The following EDIL3 variants were observed in gnomAD, a reference collection of about 807,000 sequenced individuals.
EDIL3 encodes EGF like and discoidin domains 3, also known as EGF-like repeat and discoidin I-like domain-containing protein 3.
In EDIL3, 37 loss-of-function variants were observed where a neutral mutation model predicts 67.4. That is an observed-to-expected ratio of 0.55 (90% CI 0.42 to 0.72). EDIL3 has a LOEUF of 0.72. Among genes scored for constraint, EDIL3 ranks in the 30% least tolerant of loss-of-function variants. The probability of loss-of-function intolerance (pLI) is 0.00; values close to 1 mark genes in which losing one functional copy is unlikely to be tolerated. For synonymous variants in EDIL3, 195 were observed against 196.3 expected (o/e 0.99, Z 0.05); for missense variants, 527 against 586.3 (o/e 0.90, Z 1.04).
In EDIL3 at chr5:84,213,681, T is replaced by A. The variant is rs187461914; in HGVS notation, c.226+16174A>T. On this transcript the variant is annotated intron_variant, in intron 3 of 10. Transcript: ENST00000296591. ...TGAGTAGATATGAAACATATCTAAA[T>A]CTTGTTGAATTCTAGCAGTTGAAGA... Among the ~76,000 whole-genome samples, 788 of 152,300 alleles carry A rather than the reference T, an allele frequency of 5.2e-3. 8 individuals carry two copies. The highest frequency in any genetic ancestry group is 0.018 in the African/African-American group (753 of 41,558).
At chr5:84,263,285 G>A (rs189151872) in intron 1 of EDIL3, among the ~76,000 whole-genome samples, 2 of 152,266 alleles carry the variant, frequency 1.3e-5, no homozygotes, top group Admixed American at 1.3e-4. Context: ...GTGTTGCACA[G>A]TTCTGAGGGC....
At chr5:84,190,763 T>C (rs1008842799) in intron 3 of EDIL3, among the ~76,000 whole-genome samples, 3 of 151,906 alleles carry the variant, frequency 2.0e-5, no homozygotes, top group African/African-American at 7.3e-5. Context: ...CCACCTATAC[T>C]GCATGATTAG....
At chr5:84,213,780 T>C (rs969351455) in intron 3 of EDIL3, among the ~76,000 whole-genome samples, 1 of 152,216 alleles carries the variant, frequency 6.6e-6, no homozygotes, top group Non-Finnish European at 1.5e-5. Context: ...TGTTTTATTT[T>C]ATTTTTAAGT....
chr5:84,372,253 G>C (rs976487878), intron 1 of EDIL3, among the ~76,000 whole-genome samples: 1 of 151,926 alleles, frequency 6.6e-6, no homozygotes, highest in African/African-American at 2.4e-5. Flanking sequence ...AAATATGTAC[G>C]ACTTCAGCAT....
chr5:84,128,187 C>A (rs1304604481), intron 5 of EDIL3, among the ~76,000 whole-genome samples: 25 of 152,068 alleles, frequency 1.6e-4, no homozygotes, highest in Admixed American at 1.4e-3. Context: ...AGTTGCCAGT[C>A]AAGTTTTATT....
intron 4 of EDIL3, among the ~76,000 whole-genome samples, chr5:84,171,603 C>T (rs1354143552): frequency 2.0e-5 from 3 of 152,106 alleles, no homozygotes; most frequent in African/African-American, 4.8e-5. Context: ...TTTCCATTAT[C>T]GTAAACAAAG....
intron 1 of EDIL3, among the ~76,000 whole-genome samples, chr5:84,341,212 G>A (rs545334113): frequency 6.6e-6 from 1 of 152,068 alleles, no homozygotes; most frequent in South Asian, 2.1e-4. Context: ...GATATACACT[G>A]ACCTTTTATT....
At chr5:84,359,127 G>A (rs1422608672) in intron 1 of EDIL3, among the ~76,000 whole-genome samples, 1 of 152,132 alleles carries the variant, frequency 6.6e-6, no homozygotes, top group Non-Finnish European at 1.5e-5. Flanking sequence ...TTTATAGTCT[G>A]TGTTTTCAGT....
intron 1 of EDIL3, among the ~76,000 whole-genome samples, chr5:84,314,142 G>A (rs1746463244): frequency 6.6e-6 from 1 of 152,140 alleles, no homozygotes; most frequent in Non-Finnish European, 1.5e-5. Context: ...GTTGCAGTGA[G>A]CCAAGGTTGT....
At chr5:84,316,177 A>C (rs2386432) in intron 1 of EDIL3, among the ~76,000 whole-genome samples, 62,373 of 152,042 alleles carry the variant, frequency 0.41, 13,074 homozygotes, top group South Asian at 0.49. Flanking sequence ...TAATAACCAT[A>C]GACACTATGA....
In EDIL3 at chr5:84,214,729, T is replaced by G. The variant is rs28623744; in HGVS notation, c.226+15126A>C. 2.3e-3 allele frequency among the ~76,000 whole-genome samples: 355 copies of G among 152,234 alleles called. 2 individuals are homozygous for G. Among genetic ancestry groups the G allele is most frequent in the African/African-American group, 8.3e-3 (346 of 41,546 alleles). On this transcript the variant is annotated intron_variant, in intron 3 of 10. Coordinates refer to ENST00000296591, the MANE Select transcript of EDIL3 (RefSeq NM_005711.5). ...GAAGAACTAAGTGTGGTTTGTTTTT[T>G]TTTTTAGAGACAGAGTCTTGCTATG...
Position 84,384,458 on chromosome 5 carries a change from G to A in EDIL3, c.-84C>T. On this transcript the variant is annotated 5_prime_UTR_variant, in exon 1 of 11. Coordinates refer to ENST00000296591, the MANE Select transcript of EDIL3 (RefSeq NM_005711.5). ...GCCGAGGTGGCAGCGCAGGGCAGCAGCAGACTCCGCCCCTACTAAAGAATT... is the reference window on the plus strand; with the variant it reads ...GCCGAGGTGGCAGCGCAGGGCAGCAACAGACTCCGCCCCTACTAAAGAATT... The A allele has an allele frequency of 1.1e-5, 14 of 1,321,712 alleles. No individual in the cohort carries two copies. The highest frequency in any genetic ancestry group is 1.4e-5 in the Non-Finnish European group (13 of 925,536). 81.9% of individuals were successfully genotyped at this position (1,321,712 alleles called of 1,614,324 possible).
intron 6 of EDIL3, among the ~76,000 whole-genome samples, chr5:84,097,447 C>A (rs1445911960): frequency 1.3e-5 from 2 of 152,060 alleles, no homozygotes. Context: ...GTAGTTTTTA[C>A]TTTAATAAAA....
intron 1 of EDIL3, among the ~76,000 whole-genome samples, chr5:84,335,339 T>A (rs1746963711): frequency 6.6e-6 from 1 of 152,244 alleles, no homozygotes; most frequent in Non-Finnish European, 1.5e-5. Flanking sequence ...CCAGACATAT[T>A]CCTCTTCCTG....
intron 9 of EDIL3, among the ~76,000 whole-genome samples, chr5:83,970,600 C>T (rs1397858711): frequency 7.1e-6 from 1 of 140,398 alleles, no homozygotes. Flanking sequence ...CTTACTGAAC[C>T]ATCTTGGTTT....
chr5:83,965,150 T>G (rs982617842), intron 9 of EDIL3, among the ~76,000 whole-genome samples: 1 of 152,106 alleles, frequency 6.6e-6, no homozygotes, highest in South Asian at 2.1e-4. Flanking sequence ...AGTAAGTGAT[T>G]ACCATTGATC....
chr5:84,254,331 G>T, intron 1 of EDIL3, 119 bp from the exon 2 acceptor site: 1 of 1,146,842 alleles, frequency 8.7e-7, no homozygotes, highest in Non-Finnish European at 1.2e-6. Flanking sequence ...GTAATATTAA[G>T]ATTCACACAT....
At chr5:84,026,617 G>A (rs1745820228) in intron 9 of EDIL3, among the ~76,000 whole-genome samples, 1 of 151,984 alleles carries the variant, frequency 6.6e-6, no homozygotes, top group Admixed American at 6.6e-5. Context: ...TATTCAGTCA[G>A]TACAAAATTT....
intron 9 of EDIL3, among the ~76,000 whole-genome samples, chr5:84,051,518 A>T (rs1746338654): frequency 6.6e-6 from 1 of 152,234 alleles, no homozygotes; most frequent in Non-Finnish European, 1.5e-5. Context: ...TCCGAACTAA[A>T]GGAGGAAGTT....
Sources: allele counts gnomAD v4.1 joint callset (sites outside exome capture counted in the v4.1 genomes callset), GRCh38; gene constraint gnomAD v4.1.1; transcripts MANE v1.5; gene names NCBI Gene and HGNC (gene_info 2026-07-23, HGNC 2026-07-21).